PDF: variants seen among roughly 807,000 people sequenced by gnomAD.
PDF encodes peptide deformylase, mitochondrial, also known as peptide deformylase-like protein.
PDF carries 31 observed loss-of-function variants against 20.3 expected under a neutral mutation model. That is an observed-to-expected ratio of 1.52 (90% confidence interval 1.15 to 2.06). The LOEUF is 2.06. Among genes scored for constraint, PDF ranks in the 30% most tolerant of loss-of-function variants. The probability of loss-of-function intolerance (pLI) is 0.00; values close to 1 mark genes in which losing one functional copy is unlikely to be tolerated. For missense variants in PDF, 447 were observed against 362.5 expected, an observed-to-expected ratio of 1.23 and a Z score of -1.89; for synonymous variants, 254 against 172.0, an observed-to-expected ratio of 1.48 and a Z score of -3.73.
At position 69,329,148 on chromosome 16, in the gene PDF, C is replaced by T; in HGVS notation, c.606G>A (p.Trp202Ter). 1 of 1,608,126 alleles carries T rather than the reference C, an allele frequency of 6.2e-7. No individual in the cohort carries two copies. The highest frequency in any genetic ancestry group is 8.5e-7 in the Non-Finnish European group (1 of 1,178,660). ...GLDPNGEQVVWQASGWAARII... is the reference protein window; with the variant it reads ...GLDPNGEQVV The stretch of plus-strand genomic sequence containing the variant: ...TGCGGGCTGCCCACCCGCTCGCCTG[C>T]CACACCACCTGTTCTCCATTGGGGT... Residue 202 changes from tryptophan (W) to a stop codon, truncating the protein, a stop_gained, in exon 2 of 2, where the codon TGG (tryptophan) becomes TGA (stop). Coordinates refer to ENST00000288022, the MANE Select transcript of PDF (RefSeq NM_022341.2). LOFTEE classifies it high-confidence loss of function.
Position 69,326,982 on chromosome 16 carries a change from A to C in PDF, c.*2040T>G, listed in dbSNP as rs538035956. 2 of 152,260 alleles carry C rather than the reference A, an allele frequency of 1.3e-5. No homozygotes were observed. Among genetic ancestry groups the C allele is most frequent in the East Asian group, 1.9e-4 (1 of 5,186 alleles). The allele number at this position is 152,260 out of a possible 1,614,324, so 9.4% of individuals were successfully genotyped here. A position where few individuals can be genotyped will look rare whatever the true frequency, so the allele number is the denominator to read the frequency against. On this transcript the variant is annotated 3_prime_UTR_variant, in exon 2 of 2. Transcript: ENST00000288022. Reference sequence around the variant, plus strand: ...AGCGTTAACCTCAGAAAGCTATAAGAAGCATCAAAAGATTGCCATAGCCCC... The same window carrying C: ...AGCGTTAACCTCAGAAAGCTATAAGCAGCATCAAAAGATTGCCATAGCCCC...
In PDF at chr16:69,330,154, C is replaced by G. The variant is rs929526721; in HGVS notation, c.417G>C (p.Gln139His). Reference protein sequence around the residue: ...EALCRECPPRQRALRQMEPFP... With the variant: ...EALCRECPPRHRALRQMEPFP... The stretch of plus-strand genomic sequence containing the variant: ...AGGGCTCCATTTGGCGGAGCGCGCG[C>G]TGGCGGGGCGGGCACTCCCGACACA... The change falls in exon 1 of 2, where the codon CAG becomes CAC. Residue 139 changes from glutamine to histidine, a missense_variant. By Grantham distance (24) the Gln-to-His change is conservative. Coordinates refer to ENST00000288022, the MANE Select transcript of PDF (RefSeq NM_022341.2). 24 of 1,545,962 alleles carry G rather than the reference C, an allele frequency of 1.6e-5. No homozygotes were observed. Among genetic ancestry groups the G allele is most frequent in the Non-Finnish European group, 2.1e-5 (24 of 1,150,610 alleles).
rs1418896889 is a variant in PDF, at chr16:69,329,147, G to A, written c.607C>T (p.Gln203Ter). The part of the protein sequence containing the change: ...LDPNGEQVVW[Q>*]ASGWAARIIQ... ...ATGCGGGCTGCCCACCCGCTCGCCT[G>A]CCACACCACCTGTTCTCCATTGGGG... Residue 203 changes from glutamine to a stop codon, truncating the protein, a stop_gained, in exon 2 of 2, where the codon CAG becomes TAG. Transcript: ENST00000288022. LOFTEE classifies it high-confidence loss of function. 2 of 1,608,314 alleles carry A rather than the reference G, an allele frequency of 1.2e-6. No homozygotes were observed. The highest frequency in any genetic ancestry group is 1.7e-5 in the Admixed American group (1 of 59,354).
chr16:69,329,086 A>G lies in PDF; in HGVS notation c.668T>C (p.Leu223Pro). The G allele has an allele frequency of 6.2e-7, 1 of 1,612,138 alleles. No homozygotes were observed. The highest frequency in any genetic ancestry group is 1.7e-5 in the Admixed American group (1 of 59,870). ...CCTGCTGTCCATTTTGTCAATAAAC[A>G]GGCAGCCCTGCAGGTGGTCCATCTC... Reference protein sequence around the residue: ...QHEMDHLQGCLFIDKMDSRTF... With the variant: ...QHEMDHLQGCPFIDKMDSRTF... The change falls in exon 2 of 2, where the codon CTG becomes CCG. Residue 223 changes from leucine (L) to proline (P), a missense_variant. By Grantham distance (98) the Leu-to-Pro change is moderately conservative. Transcript: ENST00000288022.
chr16:69,330,112 G>A lies in PDF; in HGVS notation c.459C>T (p.Phe153=), dbSNP rs753679501. The A allele has an allele frequency of 1.0e-5, 16 of 1,584,958 alleles. No individual in the cohort carries two copies. The highest frequency in any genetic ancestry group is 2.4e-5 in the East Asian group (1 of 41,820). ...CAAGCACTCGCAGGCTGGGGTTCACGAACACGCGCAGGGGGAAGGGCTCCA... is the reference window on the plus strand; with the variant it reads ...CAAGCACTCGCAGGCTGGGGTTCACAAACACGCGCAGGGGGAAGGGCTCCA... The part of the protein sequence containing the change: ...RQMEPFPLRV[F]VNPSLRVLDS... The change falls in exon 1 of 2, where the codon TTC becomes TTT. Residue 153 remains phenylalanine, a synonymous_variant. Transcript: ENST00000288022.
In PDF at chr16:69,330,123, G is replaced by T. The variant is rs990213817; in HGVS notation, c.448C>A (p.Leu150Met). ...RALRQMEPFP[L>M]RVFVNPSLRV... is the part of the protein sequence containing the mutation. ...AGGCTGGGGTTCACGAACACGCGCA[G>T]GGGGAAGGGCTCCATTTGGCGGAGC... The change falls in exon 1 of 2, where the codon CTG (leucine) becomes ATG (methionine). Residue 150 changes from leucine to methionine, a missense_variant. Coordinates refer to ENST00000288022, the MANE Select transcript of PDF (RefSeq NM_022341.2). 6.3e-7 allele frequency: 1 copy of T among 1,577,072 alleles called. No individual in the cohort carries two copies. The highest frequency in any genetic ancestry group is 1.5e-5 in the African/African-American group (1 of 66,616).
In PDF at chr16:69,330,536, G is replaced by T; in HGVS notation, c.35C>A (p.Pro12Gln). Residue 12 changes from proline to glutamine, a missense_variant, in exon 1 of 2, where the codon CCA (proline) becomes CAA (glutamine). Pro to Gln is a moderately conservative substitution (Grantham distance 76, BLOSUM62 -1). Transcript: ENST00000288022. ...GCCCCACGGCACGGCCGCCCACAGTGGCCAAAGACTCAGCGCGCCCCACAG... is the reference window on the plus strand; with the variant it reads ...GCCCCACGGCACGGCCGCCCACAGTTGCCAAAGACTCAGCGCGCCCCACAG... The part of the protein sequence containing the change: ...ARLWGALSLW[P>Q]LWAAVPWGGA... 1 of 1,478,520 alleles carries T rather than the reference G, an allele frequency of 6.8e-7. No homozygotes were observed. Among genetic ancestry groups the T allele is most frequent in the Admixed American group, 2.4e-5 (1 of 41,984 alleles). 91.6% of individuals were successfully genotyped at this position (1,478,520 alleles called of 1,614,324 possible).
chr16:69,329,863 T>TC, intron 1 of PDF, 134 bp downstream of exon 1: 1 of 1,173,916 alleles, frequency 8.5e-7, no homozygotes. Context: ...TCCTGAGGCC[T>TC]CTCCGCTCCC....
Position 69,328,375 on chromosome 16 carries a change from C to T in PDF, c.*647G>A, listed in dbSNP as rs1965668020. 1 of 152,412 alleles carries T rather than the reference C, an allele frequency of 6.6e-6. No homozygotes were observed. The highest frequency in any genetic ancestry group is 6.5e-5 in the Admixed American group (1 of 15,272). The allele number at this position is 152,412 out of a possible 1,614,324, so 9.4% of individuals were successfully genotyped here. ...ACAGGAAAGGGCTCAGTGCACTTCT[C>T]AATTGTCACCCCTGCCCCCAGCCCT... On this transcript the variant is annotated 3_prime_UTR_variant, in exon 2 of 2. Transcript: ENST00000288022.
chr16:69,330,534 G>A lies in PDF; in HGVS notation c.37C>T (p.Leu13=), dbSNP rs184453457. The change falls in exon 1 of 2, where the codon CTG becomes TTG. Residue 13 remains leucine (L), a synonymous_variant. Transcript: ENST00000288022. ...RLWGALSLWP[L]WAAVPWGGAA... The stretch of plus-strand genomic sequence containing the variant: ...CCGCCCCACGGCACGGCCGCCCACA[G>A]TGGCCAAAGACTCAGCGCGCCCCAC... 1.4e-3 allele frequency: 2,137 copies of A among 1,477,140 alleles called. 27 individuals carry two copies. The African/African-American group carries it at 0.027, about 19-fold the overall frequency. The allele number at this position is 1,477,140 out of a possible 1,614,324, so 91.5% of individuals were successfully genotyped here.
chr16:69,329,199 C>T lies in PDF; in HGVS notation c.575-20G>A. On this transcript the variant is annotated intron_variant, in intron 1 of 1. Coordinates refer to ENST00000288022, the MANE Select transcript of PDF (RefSeq NM_022341.2). Reference sequence around the variant, plus strand: ...CCAGCCCTGCAAAGGAAGTTACAGCCCTGGTGAGTGGGAACAGCTGAACTG... The same window carrying T: ...CCAGCCCTGCAAAGGAAGTTACAGCTCTGGTGAGTGGGAACAGCTGAACTG... 6.4e-7 allele frequency: 1 copy of T among 1,570,250 alleles called. No individual in the cohort carries two copies. Among genetic ancestry groups the T allele is most frequent in the South Asian group, 1.2e-5 (1 of 85,810 alleles).
In PDF at chr16:69,328,776, T is replaced by G. The variant is rs1170775901; in HGVS notation, c.*246A>C. On this transcript the variant is annotated 3_prime_UTR_variant, in exon 2 of 2. Coordinates refer to ENST00000288022, the MANE Select transcript of PDF (RefSeq NM_022341.2). ...TACCCCACCTTCCTCCATACAGAAT[T>G]GTTAGGAAATGTCCACTCCTTTGGG... is the stretch of plus-strand genomic sequence containing the variant. The G allele has an allele frequency of 2.0e-6, 1 of 494,768 alleles. No homozygotes were observed. Among genetic ancestry groups the G allele is most frequent in the Non-Finnish European group, 3.5e-6 (1 of 284,912 alleles). The allele number at this position is 494,768 out of a possible 1,614,324, so 30.6% of individuals were successfully genotyped here. A position where few individuals can be genotyped will look rare whatever the true frequency, so the allele number is the denominator to read the frequency against.
Position 69,328,799 on chromosome 16 carries a change from G to C in PDF, c.*223C>G. On this transcript the variant is annotated 3_prime_UTR_variant, in exon 2 of 2. Transcript: ENST00000288022. ...ATTGTTAGGAAATGTCCACTCCTTT[G>C]GGGGTGATTTTTCTCCTCAAGTTGT... is the stretch of plus-strand genomic sequence containing the variant. 3.5e-6 allele frequency: 2 copies of C among 566,708 alleles called. No homozygotes were observed. Among genetic ancestry groups the C allele is most frequent in the South Asian group, 4.6e-5 (2 of 43,102 alleles). 35.1% of individuals were successfully genotyped at this position (566,708 alleles called of 1,614,324 possible).
chr16:69,330,233 G>A lies in PDF; in HGVS notation c.338C>T (p.Ala113Val), dbSNP rs2011683858. Residue 113 changes from alanine to valine, a missense_variant, in exon 1 of 2, where the codon GCG becomes GTG. Physicochemically the swap from Ala to Val is moderately conservative, Grantham distance 64. Coordinates refer to ENST00000288022, the MANE Select transcript of PDF (RefSeq NM_022341.2). ...CTGCCGCGGCACCCCCAGCTGCGGC[G>A]CGCTTAGGCCCACGCAGCGCCGCCG... ...MRRRRCVGLSAPQLGVPRQVL... is the reference protein window; with the variant it reads ...MRRRRCVGLSVPQLGVPRQVL... 2.1e-6 allele frequency: 3 copies of A among 1,450,508 alleles called. No homozygotes were observed. Among genetic ancestry groups the A allele is most frequent in the Non-Finnish European group, 2.7e-6 (3 of 1,110,434 alleles). 89.9% of individuals were successfully genotyped at this position (1,450,508 alleles called of 1,614,324 possible).
At chr16:69,329,739 A>C (rs1254518504) in intron 1 of PDF, among the ~76,000 whole-genome samples, 1 of 152,200 alleles carries the variant, frequency 6.6e-6, no homozygotes, top group Non-Finnish European at 1.5e-5. Context: ...TGCCTCAGAG[A>C]GCAAGGGAGC....
Position 69,329,007 on chromosome 16 carries a change from C to G in PDF, c.*15G>C. On this transcript the variant is annotated 3_prime_UTR_variant, in exon 2 of 2. Coordinates refer to ENST00000288022, the MANE Select transcript of PDF (RefSeq NM_022341.2). ...CGTCTTGGTATCCGGAATCCTCAGC[C>G]CCAGTAGCAAAGCTTTAGTCATTCA... 1 of 1,600,614 alleles carries G rather than the reference C, an allele frequency of 6.2e-7. No individual in the cohort carries two copies. Among genetic ancestry groups the G allele is most frequent in the South Asian group, 1.1e-5 (1 of 89,044 alleles).
chr16:69,330,021 G>GGGGCACGCAGGCCAGGAAGCC lies in PDF; in HGVS notation c.529_549dup (p.Gly177_Pro183dup). ...CCTGAGATCTGCACCGCCTGGAAGC[G>GGGGCACGCAGGCCAGGAAGCC]GGGCACGCAGGCCAGGAAGCCGGCG... On this transcript the variant is annotated inframe_insertion, in exon 1 of 2. Coordinates refer to ENST00000288022, the MANE Select transcript of PDF (RefSeq NM_022341.2). The GGGGCACGCAGGCCAGGAAGCC allele has an allele frequency of 3.9e-6, 6 of 1,541,384 alleles. No individual in the cohort carries two copies. Among genetic ancestry groups the GGGGCACGCAGGCCAGGAAGCC allele is most frequent in the Non-Finnish European group, 5.2e-6 (6 of 1,143,730 alleles).
Position 69,328,641 on chromosome 16 carries a change from C to T in PDF, c.*381G>A, listed in dbSNP as rs1965674809. ...AAATGGCCAGTCACATGCTTACCTG[C>T]ATTTTTAAAGACAGCTTTCAGGTAT... On this transcript the variant is annotated 3_prime_UTR_variant, in exon 2 of 2. Coordinates refer to ENST00000288022, the MANE Select transcript of PDF (RefSeq NM_022341.2). The T allele has an allele frequency of 1.9e-5, 4 of 206,948 alleles. No homozygotes were observed. In the South Asian group the frequency reaches 3.0e-4, roughly 15 times the overall value. The allele number at this position is 206,948 out of a possible 1,614,324, so 12.8% of individuals were successfully genotyped here. A position where few individuals can be genotyped will look rare whatever the true frequency, so the allele number is the denominator to read the frequency against.
Position 69,328,979 on chromosome 16 carries a change from T to C in PDF, c.*43A>G. 6.3e-7 allele frequency: 1 copy of C among 1,584,526 alleles called. No individual in the cohort carries two copies. Among genetic ancestry groups the C allele is most frequent in the Non-Finnish European group, 8.5e-7 (1 of 1,172,252 alleles). The stretch of plus-strand genomic sequence containing the variant: ...TTTGCCCAGCTCAAAGTGAAAGTGT[T>C]TGCGTCTTGGTATCCGGAATCCTCA... On this transcript the variant is annotated 3_prime_UTR_variant, in exon 2 of 2. Transcript: ENST00000288022.
Sources: gnomAD v4.1 joint callset for allele counts (sites outside exome capture counted in the v4.1 genomes callset) on GRCh38, gnomAD v4.1.1 for gene constraint, MANE v1.5 for transcripts, NCBI Gene and HGNC (gene_info 2026-07-23, HGNC 2026-07-21) for gene names.